The following ANO2 variants were observed in gnomAD, a reference collection of about 807,000 sequenced individuals.
ANO2 encodes anoctamin-2.
Under a neutral mutation model 124.2 loss-of-function variants are expected in ANO2, and 101 were observed. That is an observed-to-expected ratio of 0.81 (90% confidence interval 0.69 to 0.96). The LOEUF is 0.96. Ranked by LOEUF, ANO2 falls within the 40% of genes least tolerant of loss-of-function variation. The pLI, the probability that ANO2 is intolerant of heterozygous loss-of-function variation, is 0.00. For synonymous variants in ANO2, 486 were observed against 482.5 expected (o/e 1.01, Z -0.09); for missense variants, 1,293 against 1,274.5 (o/e 1.01, Z -0.22).
intron 1 of ANO2, among the ~76,000 whole-genome samples, chr12:5,932,905 A>T (rs1422392785): frequency 2.0e-5 from 3 of 152,180 alleles, no homozygotes; most frequent in Admixed American, 1.3e-4. Context: ...AGAAGAATTA[A>T]CTAGGCATCT....
chr12:5,735,831 A>G (rs1035525393), intron 13 of ANO2, among the ~76,000 whole-genome samples: 1 of 152,198 alleles, frequency 6.6e-6, no homozygotes, highest in Non-Finnish European at 1.5e-5. Flanking sequence ...TGAGGTTAGA[A>G]AGGTAGGCAG....
chr12:5,653,759 T>C (rs755299036), intron 14 of ANO2, among the ~76,000 whole-genome samples: 4 of 152,126 alleles, frequency 2.6e-5, no homozygotes, highest in Non-Finnish European at 5.9e-5. Context: ...TGATGTGACA[T>C]ACAAAGTGTC....
intron 14 of ANO2, among the ~76,000 whole-genome samples, chr12:5,701,972 ATTGT>A (rs1245647846): frequency 6.6e-6 from 1 of 152,240 alleles, no homozygotes; most frequent in Non-Finnish European, 1.5e-5. Context: ...TTTTCAAAGC[ATTGT>A]TTGTTTTAAT....
At chr12:5,885,262 G>C (rs909159028) in intron 3 of ANO2, among the ~76,000 whole-genome samples, 3 of 152,210 alleles carry the variant, frequency 2.0e-5, no homozygotes, top group African/African-American at 4.8e-5. Flanking sequence ...AGGTGTCAGA[G>C]CTTTCACCAA....
intron 14 of ANO2, among the ~76,000 whole-genome samples, chr12:5,721,227 G>A (rs189401743): frequency 2.5e-4 from 38 of 152,160 alleles, no homozygotes; most frequent in African/African-American, 7.0e-4. Context: ...ATGCAGAGAC[G>A]GCAATAAGAG....
chr12:5,772,423 T>G (rs1241316470), intron 10 of ANO2, among the ~76,000 whole-genome samples: 1 of 152,240 alleles, frequency 6.6e-6, no homozygotes, highest in East Asian at 1.9e-4. Flanking sequence ...CAGCTTATCT[T>G]TTGGGAATAA....
At chr12:5,842,777 C>T (rs1226422803) in intron 4 of ANO2, among the ~76,000 whole-genome samples, 6 of 152,224 alleles carry the variant, frequency 3.9e-5, no homozygotes, top group African/African-American at 1.2e-4. Context: ...CGTAGTCAAC[C>T]GGGCCTGGGG....
intron 22 of ANO2, among the ~76,000 whole-genome samples, chr12:5,576,367 T>G (rs1302309943): frequency 1.3e-5 from 2 of 152,204 alleles, no homozygotes; most frequent in Non-Finnish European, 2.9e-5. Flanking sequence ...TGAAAAAAAT[T>G]ACCTATAGTG....
chr12:5,704,326 C>G (rs1949518208), intron 14 of ANO2, among the ~76,000 whole-genome samples: 1 of 152,180 alleles, frequency 6.6e-6, no homozygotes, highest in Non-Finnish European at 1.5e-5. Context: ...GCATCACTAA[C>G]CAGTCATTCA....
intron 4 of ANO2, among the ~76,000 whole-genome samples, chr12:5,837,701 G>A (rs1392194055): frequency 4.0e-5 from 6 of 151,584 alleles, no homozygotes; most frequent in African/African-American, 1.2e-4. Flanking sequence ...TCTCTGGGAC[G>A]CATTCAAAGC....
At chr12:5,571,424 A>G (rs1314895319) in intron 23 of ANO2, among the ~76,000 whole-genome samples, 1 of 152,128 alleles carries the variant, frequency 6.6e-6, no homozygotes, top group Admixed American at 6.5e-5. Context: ...GCTAACTTTT[A>G]TTGCTATTTT....
intron 10 of ANO2, among the ~76,000 whole-genome samples, chr12:5,797,350 C>A (rs149993722): frequency 6.6e-6 from 1 of 151,968 alleles, no homozygotes; most frequent in African/African-American, 2.4e-5. Context: ...GTGAAAGTGA[C>A]GCCAGTCAGG....
At chr12:5,853,774 A>G (rs758556400) in intron 4 of ANO2, among the ~76,000 whole-genome samples, 4 of 152,000 alleles carry the variant, frequency 2.6e-5, no homozygotes, top group Non-Finnish European at 2.9e-5. Context: ...CAGAAAAATG[A>G]AGAACACGGA....
intron 14 of ANO2, among the ~76,000 whole-genome samples, chr12:5,725,474 CT>C (rs1279428339): frequency 3.3e-5 from 5 of 152,190 alleles, no homozygotes; most frequent in Non-Finnish European, 7.3e-5. Flanking sequence ...CAGATAGATT[CT>C]GCTGTTCCTT....
intron 14 of ANO2, among the ~76,000 whole-genome samples, chr12:5,718,467 G>A (rs11610348): frequency 0.13 from 19,606 of 152,222 alleles, 1,577 homozygotes; most frequent in African/African-American, 0.23. Flanking sequence ...TTCACCCAAC[G>A]TCCATAGAAA....
At chr12:5,767,577 A>G (rs1033567934) in intron 10 of ANO2, among the ~76,000 whole-genome samples, 5 of 152,244 alleles carry the variant, frequency 3.3e-5, no homozygotes, top group African/African-American at 1.2e-4. Context: ...TATCTCATCT[A>G]ATGCTTCCCA....
At chr12:5,726,506 T>C (rs1950446727) in intron 14 of ANO2, among the ~76,000 whole-genome samples, 1 of 152,228 alleles carries the variant, frequency 6.6e-6, no homozygotes, top group African/African-American at 2.4e-5. Context: ...GTTAAAAGCA[T>C]TGCTTTTGAG....
intron 15 of ANO2, among the ~76,000 whole-genome samples, chr12:5,637,283 C>T (rs578211643): frequency 6.6e-6 from 1 of 151,450 alleles, no homozygotes; most frequent in South Asian, 2.1e-4. Flanking sequence ...GCAGTGAAGA[C>T]CAGTGATGAA....
intron 14 of ANO2, among the ~76,000 whole-genome samples, chr12:5,703,320 C>A (rs537839627): frequency 6.6e-6 from 1 of 152,010 alleles, no homozygotes; most frequent in Admixed American, 6.5e-5. Context: ...TATGTATGCA[C>A]AATATAAGTA....
Sources: allele counts gnomAD v4.1 joint callset (sites outside exome capture counted in the v4.1 genomes callset), GRCh38; gene constraint gnomAD v4.1.1; transcripts MANE v1.5; gene names NCBI Gene and HGNC (gene_info 2026-07-23, HGNC 2026-07-21).